Variants in MYO7A observed in about 807,000 individuals in gnomAD.
MYO7A encodes unconventional myosin-VIIa.
Under a neutral mutation model 263.8 loss-of-function variants are expected in MYO7A, and 210 were observed. The ratio of observed to expected loss-of-function variants is 0.80; its 90% confidence interval spans 0.71 to 0.89. The LOEUF (loss-of-function observed/expected upper bound fraction) is 0.89. Among genes scored for constraint, MYO7A ranks in the 40% least tolerant of loss-of-function variants. The probability of loss-of-function intolerance (pLI) is 0.00; values close to 1 mark genes in which losing one functional copy is unlikely to be tolerated. For missense variants in MYO7A, 2,820 were observed against 2,968.3 expected, an observed-to-expected ratio of 0.95 and a Z score of 1.16; for synonymous variants, 1,239 against 1,197.3, an observed-to-expected ratio of 1.03 and a Z score of -0.72.
intron 15 of MYO7A, among the ~76,000 whole-genome samples, chr11:77,169,902 C>T (rs1190656697): frequency 2.0e-5 from 3 of 152,030 alleles, no homozygotes; most frequent in African/African-American, 4.8e-5. Flanking sequence ...ATGGCAAAAT[C>T]CCATCTCTAC....
Position 77,201,506 on chromosome 11 carries a change from T to C in MYO7A, c.4911T>C (p.His1637=), listed in dbSNP as rs1957060035. 2 of 1,613,818 alleles carry C rather than the reference T, an allele frequency of 1.2e-6. No individual in the cohort carries two copies. The highest frequency in any genetic ancestry group is 1.7e-5 in the Admixed American group (1 of 59,998). Residue 1637 remains histidine, a synonymous_variant, in exon 36 of 49, where the codon CAT becomes CAC. Transcript: ENST00000409709. ...AGGGAGACCTCATCATCCTGGACCATGACACGGGCGAGCAGGTCATGAACT... is the reference window on the plus strand; with the variant it reads ...AGGGAGACCTCATCATCCTGGACCACGACACGGGCGAGCAGGTCATGAACT... ...FAKGDLIILD[H]DTGEQVMNSG... is the part of the protein sequence containing the mutation.
At chr11:77,209,667 A>G (rs1032939023) in intron 44 of MYO7A, among the ~76,000 whole-genome samples, 3 of 151,994 alleles carry the variant, frequency 2.0e-5, no homozygotes, top group Non-Finnish European at 4.4e-5. Flanking sequence ...GGATATCTCT[A>G]AAGTCCCCCA....
At chr11:77,169,037 A>G (rs1417924081) in intron 15 of MYO7A, among the ~76,000 whole-genome samples, 9 of 152,280 alleles carry the variant, frequency 5.9e-5, no homozygotes, top group African/African-American at 1.9e-4. Context: ...GAAAGAAAAC[A>G]TACTTCGTAA....
chr11:77,199,225 T>A (rs767214685), intron 34 of MYO7A, among the ~76,000 whole-genome samples: 3 of 152,192 alleles, frequency 2.0e-5, no homozygotes, highest in Non-Finnish European at 4.4e-5. Context: ...AAGATAGTCC[T>A]TGTCCTCTTG....
Position 77,205,469 on chromosome 11 carries a change from G to A in MYO7A, c.5488G>A (p.Glu1830Lys), listed in dbSNP as rs768418736. 1.1e-5 allele frequency: 17 copies of A among 1,571,030 alleles called. No homozygotes were observed. The highest frequency in any genetic ancestry group is 3.5e-5 in the South Asian group (3 of 85,412). The change falls in exon 40 of 49, where the codon GAG becomes AAG. Residue 1830 changes from glutamate to lysine, a missense_variant. Glu to Lys is a moderately conservative substitution (Grantham distance 56). Transcript: ENST00000409709. ...QLTDNHIRYS[E>K]ERGWELLWLC... ...CCACGCCTCCTCCTGCAGGTACAGC[G>A]AGGAGCGGGGTTGGGAGCTGCTCTG... is the stretch of plus-strand genomic sequence containing the variant.
intron 27 of MYO7A, among the ~76,000 whole-genome samples, chr11:77,186,972 T>C (rs1955691393): frequency 6.6e-6 from 1 of 152,182 alleles, no homozygotes; most frequent in Non-Finnish European, 1.5e-5. Flanking sequence ...TTTAGGGTTA[T>C]TAATTGGCCT....
Position 77,156,552 on chromosome 11 carries a change from T to C in MYO7A, c.471-108T>C, listed in dbSNP as rs1168965768. Reference sequence around the variant, plus strand: ...GCCCTGGAGGGTCCGTATTGTCAGCTGATATTACAGATGGGGGAGCTGGTG... The same window carrying C: ...GCCCTGGAGGGTCCGTATTGTCAGCCGATATTACAGATGGGGGAGCTGGTG... On this transcript the variant is annotated intron_variant, in intron 5 of 48. Transcript: ENST00000409709. 20 of 1,509,046 alleles carry C rather than the reference T, an allele frequency of 1.3e-5. No individual in the cohort carries two copies. In the South Asian group the frequency reaches 2.3e-4, roughly 17 times the overall value. The allele number at this position is 1,509,046 out of a possible 1,614,324, so 93.5% of individuals were successfully genotyped here. A position where few individuals can be genotyped will look rare whatever the true frequency, so the allele number is the denominator to read the frequency against.
At chr11:77,160,525 C>T (rs782062374) in intron 11 of MYO7A, among the ~76,000 whole-genome samples, 5 of 152,192 alleles carry the variant, frequency 3.3e-5, no homozygotes, top group Non-Finnish European at 7.3e-5. Context: ...TTGTTCCCAG[C>T]CCAGGGATAC....
intron 23 of MYO7A, 90 bp downstream of exon 23, chr11:77,181,679 C>A: frequency 7.9e-7 from 1 of 1,264,970 alleles, no homozygotes; most frequent in Non-Finnish European, 1.1e-6. Flanking sequence ...TTAAAGCCCA[C>A]CCAGTCCCTC....
At position 77,156,928 on chromosome 11, in the gene MYO7A, A is replaced by G. The variant is rs2135239065; in HGVS notation, c.659A>G (p.His220Arg). 6.2e-7 allele frequency: 1 copy of G among 1,613,990 alleles called. No homozygotes were observed. ...CGTTTCGGAAAGTACATCGACATCCACTTCAACAAGCGGGGCGCCATCGAG... is the reference window on the plus strand; with the variant it reads ...CGTTTCGGAAAGTACATCGACATCCGCTTCAACAAGCGGGGCGCCATCGAG... Reference protein sequence around the residue: ...SSRFGKYIDIHFNKRGAIEGA... With the variant: ...SSRFGKYIDIRFNKRGAIEGA... Residue 220 changes from histidine to arginine, a missense_variant, in exon 7 of 49, where the codon CAC becomes CGC. Transcript: ENST00000409709.
chr11:77,181,848 G>T, intron 23 of MYO7A, 103 bp from the exon 24 acceptor site: 1 of 952,792 alleles, frequency 1.0e-6, no homozygotes, highest in South Asian at 1.5e-5. Flanking sequence ...GCAGTAGCGT[G>T]ATCACAGCTC....
rs573264788 is a variant in MYO7A at position 77,187,472 on chromosome 11, A to G, written c.3504-1872A>G. Among the ~76,000 whole-genome samples, 385 of 152,306 alleles carry G rather than the reference A, an allele frequency of 2.5e-3. 1 individual carries two copies. Among genetic ancestry groups the G allele is most frequent in the Non-Finnish European group, 4.7e-3 (322 of 68,010 alleles). On this transcript the variant is annotated intron_variant, in intron 27 of 48. Coordinates refer to ENST00000409709, the MANE Select transcript of MYO7A (RefSeq NM_000260.4). ...AAGCGCCCCGTAGATGGTAGCTTTG[A>G]TCATCATCATCCAACATGCATTTCC...
chr11:77,192,111 T>C lies in MYO7A; in HGVS notation c.3985T>C (p.Tyr1329His). 6.2e-7 allele frequency: 1 copy of C among 1,613,904 alleles called. No individual in the cohort carries two copies. The part of the protein sequence containing the change: ...VMDAISQCEQ[Y>H]AKEQGAQERN... Reference sequence around the variant, plus strand: ...GGACGCCATCTCCCAGTGCGAGCAGTACGCCAAGGAGCAGGGCGCCCAGGA... The same window carrying C: ...GGACGCCATCTCCCAGTGCGAGCAGCACGCCAAGGAGCAGGGCGCCCAGGA... Residue 1329 changes from tyrosine to histidine, a missense_variant, in exon 31 of 49, where the codon TAC (tyrosine) becomes CAC (histidine). Physicochemically the swap from Tyr to His is moderately conservative, Grantham distance 83. Transcript: ENST00000409709.
intron 11 of MYO7A, 55 bp from the exon 12 acceptor site, chr11:77,160,918 C>A: frequency 3.2e-6 from 5 of 1,564,072 alleles, no homozygotes; most frequent in Non-Finnish European, 4.3e-6. Context: ...AGGAGCCTGG[C>A]CTGTCCCCCG....
rs750435697 is a variant in MYO7A at position 77,205,537 on chromosome 11, C to T, written c.5556C>T (p.Pro1852=). ...GLFPPSNILL[P]HVQRFLQSRK... ...TCCCACCCAGCAACATCCTCCTGCC[C>T]CACGTGCAGCGCTTCCTGCAGTCCC... Residue 1852 remains proline (P), a synonymous_variant, in exon 40 of 49, where the codon CCC becomes CCT. Coordinates refer to ENST00000409709, the MANE Select transcript of MYO7A (RefSeq NM_000260.4). The T allele has an allele frequency of 1.4e-5, 22 of 1,609,500 alleles. No individual in the cohort carries two copies. Among genetic ancestry groups the T allele is most frequent in the Non-Finnish European group, 2.5e-6 (3 of 1,178,462 alleles).
At position 77,207,378 on chromosome 11, in the gene MYO7A, C is replaced by A. The variant is rs1350647922; in HGVS notation, c.5832C>A (p.Ser1944Arg). 6.2e-7 allele frequency: 1 copy of A among 1,610,062 alleles called. No homozygotes were observed. Among genetic ancestry groups the A allele is most frequent in the Non-Finnish European group, 8.5e-7 (1 of 1,178,176 alleles). ...RLLLKSSEGF[S>R]LFVKIADKVL... is the part of the protein sequence containing the mutation. ...TCCTCAAGTCCTCAGAGGGATTCAG[C>A]CTCTTTGTCAAAATTGCAGACAAGG... is the stretch of plus-strand genomic sequence containing the variant. The change falls in exon 42 of 49, where the codon AGC (serine) becomes AGA (arginine). Residue 1944 changes from serine (S) to arginine (R), a missense_variant. Transcript: ENST00000409709.
intron 15 of MYO7A, among the ~76,000 whole-genome samples, 193 bp downstream of exon 15, chr11:77,166,355 T>C (rs1024991131): frequency 1.3e-5 from 2 of 152,112 alleles, no homozygotes; most frequent in African/African-American, 4.8e-5. Flanking sequence ...TTGTACTAAC[T>C]GGGGATATGG....
intron 15 of MYO7A, among the ~76,000 whole-genome samples, chr11:77,171,207 A>G (rs1358074719): frequency 2.6e-5 from 4 of 152,042 alleles, no homozygotes; most frequent in African/African-American, 9.7e-5. Context: ...GTGTGCTCCT[A>G]GTGGCGTGTG....
Position 77,158,609 on chromosome 11 carries a change from G to A in MYO7A, c.1003+179G>A, listed in dbSNP as rs58498364. 0.051 allele frequency among the ~76,000 whole-genome samples: 7,841 copies of A among 152,284 alleles called. 693 individuals carry two copies. The highest frequency in any genetic ancestry group is 0.18 in the African/African-American group (7,404 of 41,532). The stretch of plus-strand genomic sequence containing the variant: ...ACAGGTCTGCTAGATTGAAATCAGC[G>A]GTGGGTGTGGTGTCGCTGTGCTGAC... On this transcript the variant is annotated intron_variant, in intron 9 of 48. Coordinates refer to ENST00000409709, the MANE Select transcript of MYO7A (RefSeq NM_000260.4).
Sources: allele counts gnomAD v4.1 joint callset (sites outside exome capture counted in the v4.1 genomes callset), GRCh38; gene constraint gnomAD v4.1.1; transcripts MANE v1.5; gene names NCBI Gene and HGNC (gene_info 2026-07-23, HGNC 2026-07-21).